The following DLC1 variants were observed in gnomAD, a reference collection of about 807,000 sequenced individuals.
The protein encoded by DLC1 is DLC1 Rho GTPase activating protein.
A neutral mutation model predicts 140.3 loss-of-function variants in DLC1; 54 were observed. The observed-to-expected ratio is 0.38, with a 90% CI of 0.31 to 0.48. DLC1 has a LOEUF of 0.48. Ranked by LOEUF, DLC1 falls within the 20% of genes least tolerant of loss-of-function variation. The pLI is 0.96. For missense variants in DLC1, 2,536 were observed against 1,907.0 expected (o/e 1.33, Z -6.14); for synonymous variants, 986 against 728.1 (o/e 1.35, Z -5.70).
chr8:13,274,873 C>A (rs1480493860), intron 5 of DLC1, among the ~76,000 whole-genome samples: 2 of 152,052 alleles, frequency 1.3e-5, no homozygotes, highest in Non-Finnish European at 2.9e-5. Context: ...AAGAAAGTAC[C>A]TTTTCTTTTA....
At chr8:13,104,483 A>G (rs1484628247) in intron 7 of DLC1, among the ~76,000 whole-genome samples, 1 of 152,170 alleles carries the variant, frequency 6.6e-6, no homozygotes, top group African/African-American at 2.4e-5. Flanking sequence ...TTTTCCTGCC[A>G]TCTCCCAGAT....
rs528136042 is a variant in DLC1, at chr8:13,440,084, A to G, written c.1024-38465T>C. On this transcript the variant is annotated intron_variant, in intron 2 of 17. Transcript: ENST00000276297. ...TTCTGGTCAAATACATTTGGGAAAT[A>G]CTAGTTTCTTTACTGCAGGATTTTC... Among the ~76,000 whole-genome samples the G allele has an allele frequency of 5.3e-5, 8 of 152,316 alleles. No homozygotes were observed. The South Asian group carries it at 1.7e-3, about 32-fold the overall frequency.
At chr8:13,178,800 G>C (rs980506388) in intron 5 of DLC1, among the ~76,000 whole-genome samples, 5 of 152,046 alleles carry the variant, frequency 3.3e-5, no homozygotes, top group African/African-American at 7.3e-5. Context: ...ACCAAGAGTT[G>C]GATGTGGAGC....
At chr8:13,425,145 C>G (rs539072065) in intron 2 of DLC1, among the ~76,000 whole-genome samples, 1 of 151,796 alleles carries the variant, frequency 6.6e-6, no homozygotes, top group South Asian at 2.1e-4. Context: ...GGGTCATTAT[C>G]TCTCAGGGAA....
chr8:13,548,905 G>A (rs903019797), intron 1 of DLC1, among the ~76,000 whole-genome samples: 2 of 152,054 alleles, frequency 1.3e-5, no homozygotes, highest in African/African-American at 4.8e-5. Context: ...AAAAATGTTG[G>A]CATGAATTCA....
chr8:13,188,801 G>GTGTGTGTATATA (rs1293675412), intron 5 of DLC1, among the ~76,000 whole-genome samples: 1 of 71,884 alleles, frequency 1.4e-5, no homozygotes, highest in Non-Finnish European at 2.4e-5. Flanking sequence ...GTGTGTGTGT[G>GTGTGTGTATATA]TATATATATA....
intron 5 of DLC1, among the ~76,000 whole-genome samples, chr8:13,135,101 G>A (rs1035816779): frequency 1.3e-5 from 2 of 152,160 alleles, no homozygotes; most frequent in Non-Finnish European, 2.9e-5. Context: ...CAGCAAGGGG[G>A]AGTGTGATTC....
At chr8:13,119,400 C>T (rs1820845647) in intron 5 of DLC1, among the ~76,000 whole-genome samples, 1 of 152,122 alleles carries the variant, frequency 6.6e-6, no homozygotes, top group Admixed American at 6.5e-5. Flanking sequence ...GCCTGAAATG[C>T]TGAAGATGAA....
At chr8:13,400,200 C>T (rs1266449589) in intron 3 of DLC1, among the ~76,000 whole-genome samples, 1 of 152,168 alleles carries the variant, frequency 6.6e-6, no homozygotes, top group African/African-American at 2.4e-5. Flanking sequence ...TCATCTCTAG[C>T]TCAAGGCCTG....
chr8:13,351,486 G>C (rs1263798229), intron 4 of DLC1, among the ~76,000 whole-genome samples: 1 of 152,084 alleles, frequency 6.6e-6, no homozygotes, highest in African/African-American at 2.4e-5. Flanking sequence ...GATATATCTT[G>C]TGAACTACAT....
At chr8:13,115,521 A>G (rs1365234425) in intron 6 of DLC1, 65 bp downstream of exon 6, 13 of 1,389,742 alleles carry the variant, frequency 9.4e-6, no homozygotes, top group Admixed American at 1.9e-5. Context: ...GTCATAGATC[A>G]GTAATACTCG....
At chr8:13,422,783 A>G (rs1838377629) in intron 2 of DLC1, among the ~76,000 whole-genome samples, 1 of 149,954 alleles carries the variant, frequency 6.7e-6, no homozygotes, top group South Asian at 2.1e-4. Context: ...GTGGATCAAC[A>G]TGCAAACAAC....
At chr8:13,458,804 C>G (rs917508603) in intron 2 of DLC1, among the ~76,000 whole-genome samples, 5 of 150,800 alleles carry the variant, frequency 3.3e-5, no homozygotes, top group African/African-American at 1.2e-4. Flanking sequence ...ATCTAAAAAA[C>G]CAAGCCCACA....
At chr8:13,439,344 A>C (rs554688396) in intron 2 of DLC1, among the ~76,000 whole-genome samples, 3 of 152,252 alleles carry the variant, frequency 2.0e-5, no homozygotes, top group African/African-American at 7.2e-5. Context: ...AAAGAAAAAC[A>C]AAAACAGGCA....
At chr8:13,160,996 G>C (rs1049864691) in intron 5 of DLC1, among the ~76,000 whole-genome samples, 14 of 152,162 alleles carry the variant, frequency 9.2e-5, no homozygotes, top group South Asian at 2.1e-4. Context: ...CAGGAGAATG[G>C]CACGAACCCG....
intron 5 of DLC1, among the ~76,000 whole-genome samples, chr8:13,147,211 T>G (rs1823500418): frequency 6.6e-6 from 1 of 152,154 alleles, no homozygotes. Context: ...AGACTGCCAG[T>G]CTCCTGGGGG....
rs529894535 is a variant in DLC1, at chr8:13,133,313, G to C, written c.1349-17656C>G. 47 of 1,204,438 alleles carry C rather than the reference G, an allele frequency of 3.9e-5. 1 individual carries two copies. The highest frequency in any genetic ancestry group is 4.9e-5 in the African/African-American group (3 of 61,628). The allele number at this position is 1,204,438 out of a possible 1,614,324, so 74.6% of individuals were successfully genotyped here. On this transcript the variant is annotated intron_variant, in intron 5 of 17. Coordinates refer to ENST00000276297, the MANE Select transcript of DLC1 (RefSeq NM_182643.3). ...CTGTCTCCCGCGCGCTCCGCCAGCC[G>C]GGCCCTCCCGCTGGGCCCACCCCCC...
Position 13,305,302 on chromosome 8 carries a change from C to T in DLC1, c.1315G>A (p.Ala439Thr). The T allele has an allele frequency of 6.3e-7, 1 of 1,592,792 alleles. No homozygotes were observed. ...TCCTTCTCTGAAATACCTTGAATAG[C>T]CTGAAAAAAAAGACACAAAAATTGT... ...ANSGTKPKTT[A>T]IQGISEKEKA... Residue 439 changes from alanine to threonine, a missense_variant and splice_region_variant, in exon 5 of 18, where the codon GCT becomes ACT. Coordinates refer to ENST00000276297, the MANE Select transcript of DLC1 (RefSeq NM_182643.3).
chr8:13,220,374 T>C (rs941771315), intron 5 of DLC1, among the ~76,000 whole-genome samples: 2 of 152,122 alleles, frequency 1.3e-5, no homozygotes, highest in Non-Finnish European at 2.9e-5. Context: ...TTGAGCAGCC[T>C]GGCTTGTGTA....
Sources: gnomAD v4.1 joint callset for allele counts (sites outside exome capture counted in the v4.1 genomes callset) on GRCh38, gnomAD v4.1.1 for gene constraint, MANE v1.5 for transcripts, NCBI Gene and HGNC (gene_info 2026-07-23, HGNC 2026-07-21) for gene names.